ATP6V1B1: variants seen among roughly 807,000 people sequenced by gnomAD.
ATP6V1B1 encodes V-type proton ATPase subunit B, kidney isoform.
A neutral mutation model predicts 62.1 loss-of-function variants in ATP6V1B1; 41 were observed. That is an observed-to-expected ratio of 0.66 (90% confidence interval 0.51 to 0.86). The LOEUF (loss-of-function observed/expected upper bound fraction) is 0.86. Ranked by LOEUF, ATP6V1B1 falls within the 40% of genes least tolerant of loss-of-function variation. The probability of loss-of-function intolerance (pLI) is 0.00; values close to 1 mark genes in which losing one functional copy is unlikely to be tolerated. For missense variants in ATP6V1B1, 651 were observed against 697.5 expected (o/e 0.93, Z 0.75); for synonymous variants, 253 against 273.4 (o/e 0.93, Z 0.74).
At chr2:70,958,012 T>C (rs781944767) in intron 2 of ATP6V1B1, 34 bp from the exon 3 acceptor site, 24 of 1,595,970 alleles carry the variant, frequency 1.5e-5, no homozygotes, top group Non-Finnish European at 1.8e-5. Context: ...GCCTCCAGTC[T>C]CACTGTCACG....
intron 2 of ATP6V1B1, among the ~76,000 whole-genome samples, chr2:70,949,903 G>A (rs1422073803): frequency 6.6e-6 from 1 of 152,070 alleles, no homozygotes; most frequent in Admixed American, 6.5e-5. Flanking sequence ...TTCTTGTCTT[G>A]CTTAAAGACA....
intron 1 of ATP6V1B1, chr2:70,938,697 CGTGGAG>C (rs1202787467): frequency 8.1e-6 from 8 of 985,266 alleles, no homozygotes; most frequent in Non-Finnish European, 9.6e-6. Flanking sequence ...CTGTGCCTCC[CGTGGAG>C]CTAGAATGGT....
chr2:70,944,798 A>G (rs1458901458), intron 2 of ATP6V1B1, among the ~76,000 whole-genome samples: 1 of 151,310 alleles, frequency 6.6e-6, no homozygotes, highest in African/African-American at 2.4e-5. Context: ...CCTCCCGAGT[A>G]GCTGGGACTA....
intron 2 of ATP6V1B1, among the ~76,000 whole-genome samples, chr2:70,944,661 GTCTTT>G (rs1477209316): frequency 3.4e-5 from 5 of 147,780 alleles, no homozygotes; most frequent in Non-Finnish European, 7.4e-5. Flanking sequence ...CAGCTTACAG[GTCTTT>G]TCTTTTTTTT....
chr2:70,958,468 C>T (rs562711313), intron 4 of ATP6V1B1, 42 bp downstream of exon 4: 29 of 1,576,732 alleles, frequency 1.8e-5, no homozygotes, highest in Non-Finnish European at 2.4e-5. Context: ...GCTCCTCTGC[C>T]CTCCCAGCCC....
In ATP6V1B1 at chr2:70,959,205, C is replaced by CA. The variant is rs569922123; in HGVS notation, c.445+113dup. 343 of 1,180,292 alleles carry CA rather than the reference C, an allele frequency of 2.9e-4. No individual in the cohort carries two copies. The African/African-American group carries it at 4.6e-3, about 16-fold the overall frequency. The allele number at this position is 1,180,292 out of a possible 1,614,324, so 73.1% of individuals were successfully genotyped here. A position where few individuals can be genotyped will look rare whatever the true frequency, so the allele number is the denominator to read the frequency against. On this transcript the variant is annotated intron_variant, in intron 5 of 13. Transcript: ENST00000234396. This position sits in a 1 kb window ranked among gnomAD's most constrained non-coding sequence, Gnocchi z 4.2. Reference sequence around the variant, plus strand: ...CAGATCAGATGTGATGGGAGAGCAGCAAAGGCCTCTCTATCCCCAAATCTT... The same window carrying CA: ...CAGATCAGATGTGATGGGAGAGCAGCAAAAGGCCTCTCTATCCCCAAATCTT...
chr2:70,947,810 C>A (rs563329760), intron 2 of ATP6V1B1: 2 of 152,420 alleles, frequency 1.3e-5, no homozygotes, highest in African/African-American at 4.8e-5. Flanking sequence ...TGAGTCATGC[C>A]CTCTTCCTGC....
intron 2 of ATP6V1B1, among the ~76,000 whole-genome samples, chr2:70,945,742 A>ATG (rs3982997): frequency 3.2e-5 from 4 of 126,514 alleles, no homozygotes; most frequent in South Asian, 5.0e-4. Context: ...ATATATATAT[A>ATG]GTTGTTAACT....
At position 70,963,869 on chromosome 2, in the gene ATP6V1B1, A is replaced by G. The variant is rs1181401820; in HGVS notation, c.1143+215A>G. Among the ~76,000 whole-genome samples, 7 of 152,208 alleles carry G rather than the reference A, an allele frequency of 4.6e-5. No individual in the cohort carries two copies. The highest frequency in any genetic ancestry group is 1.4e-4 in the African/African-American group (6 of 41,446). ...TCTGGGATCTTGAGAAGATAATTTCATCTCTTGGATCCTAGGTTTCCTCAT... is the reference window on the plus strand; with the variant it reads ...TCTGGGATCTTGAGAAGATAATTTCGTCTCTTGGATCCTAGGTTTCCTCAT... On this transcript the variant is annotated intron_variant, in intron 11 of 13. Coordinates refer to ENST00000234396, the MANE Select transcript of ATP6V1B1 (RefSeq NM_001692.4). The surrounding 1 kb of genome is among the most constrained non-coding windows in gnomAD (Gnocchi z 4.3).
intron 2 of ATP6V1B1, among the ~76,000 whole-genome samples, chr2:70,952,280 G>A (rs1483572077): frequency 1.3e-5 from 2 of 152,052 alleles, no homozygotes; most frequent in African/African-American, 2.4e-5. Context: ...TGGCCAACAT[G>A]GTGAAACCCC....
At chr2:70,938,870 G>C (rs1679918795) in intron 1 of ATP6V1B1, 1 of 852,176 alleles carries the variant, frequency 1.2e-6, no homozygotes, top group Non-Finnish European at 1.4e-6. Flanking sequence ...AGCCAGGTCA[G>C]ATCCCTGAAG....
rs114234874 is a variant in ATP6V1B1, at chr2:70,959,974, G to A, written c.481G>A (p.Glu161Lys). The change falls in exon 6 of 14, where the codon GAG becomes AAG. Residue 161 changes from glutamate (E) to lysine (K), a missense_variant. Transcript: ENST00000234396. This position sits in a 1 kb window ranked among gnomAD's most constrained non-coding sequence, Gnocchi z 4.2. ...PINPHSRIYP[E>K]EMIQTGISPI... ...CAACCCGCACTCCCGCATCTACCCC[G>A]AGGAGATGATTCAGACGGGCATTTC... The A allele has an allele frequency of 0.025, 40,412 of 1,614,138 alleles. 794 individuals carry two copies. Among genetic ancestry groups the A allele is most frequent in the South Asian group, 0.071 (6,451 of 91,086 alleles).
At chr2:70,953,256 A>G (rs1553418560) in intron 2 of ATP6V1B1, among the ~76,000 whole-genome samples, 1 of 152,168 alleles carries the variant, frequency 6.6e-6, no homozygotes. Flanking sequence ...GTGAGCCACT[A>G]CACCCAGCCT....
chr2:70,961,657 A>T lies in ATP6V1B1; in HGVS notation c.749A>T (p.Asn250Ile), dbSNP rs782721107. ...TTTGAGCAGAATGGAACCATGGGGA[A>T]CGTCTGCCTCTTCCTGAACTTGGCC... The part of the protein sequence containing the change: ...SDFEQNGTMG[N>I]VCLFLNLAND... The change falls in exon 8 of 14, where the codon AAC becomes ATC. Residue 250 changes from asparagine (N) to isoleucine (I), a missense_variant. Physicochemically the swap from Asn to Ile is moderately radical, Grantham distance 149. Transcript: ENST00000234396. The T allele has an allele frequency of 1.2e-6, 2 of 1,614,218 alleles. No homozygotes were observed. The highest frequency in any genetic ancestry group is 1.7e-6 in the Non-Finnish European group (2 of 1,180,030).
At position 70,936,049 on chromosome 2, in the gene ATP6V1B1, A is replaced by G. The variant is rs1553415290; in HGVS notation, c.95A>G (p.Asn32Ser). ...AREHMQAVTR[N>S]YITHPRVTYR... is the part of the protein sequence containing the mutation. ...GAACACATGCAGGCGGTCACCCGAAACTACATCACCCACCCCCGTGTCAGT... is the reference window on the plus strand; with the variant it reads ...GAACACATGCAGGCGGTCACCCGAAGCTACATCACCCACCCCCGTGTCAGT... Residue 32 changes from asparagine to serine, a missense_variant, in exon 1 of 14, where the codon AAC becomes AGC. Physicochemically the swap from Asn to Ser is conservative, Grantham distance 46. Transcript: ENST00000234396. 1 of 1,613,984 alleles carries G rather than the reference A, an allele frequency of 6.2e-7. No individual in the cohort carries two copies. Among genetic ancestry groups the G allele is most frequent in the Admixed American group, 1.7e-5 (1 of 60,002 alleles).
At chr2:70,937,503 C>T (rs1386161678) in intron 1 of ATP6V1B1, among the ~76,000 whole-genome samples, 2 of 151,930 alleles carry the variant, frequency 1.3e-5, no homozygotes, top group Admixed American at 6.5e-5. Flanking sequence ...ATAGGAGGTC[C>T]GGATACTCCC....
chr2:70,963,555 A>G lies in ATP6V1B1; in HGVS notation c.1061-17A>G. On this transcript the variant is annotated splice_polypyrimidine_tract_variant and intron_variant, in intron 10 of 13. Coordinates refer to ENST00000234396, the MANE Select transcript of ATP6V1B1 (RefSeq NM_001692.4). This position sits in a 1 kb window ranked among gnomAD's most constrained non-coding sequence, Gnocchi z 4.3. ...CTGGGCCCCCACCCACACTGAGGCC[A>G]GTGAGTTTTCTTGTAGATATCACCC... 3 of 1,612,686 alleles carry G rather than the reference A, an allele frequency of 1.9e-6. No individual in the cohort carries two copies. Among genetic ancestry groups the G allele is most frequent in the Non-Finnish European group, 2.5e-6 (3 of 1,178,682 alleles).
At chr2:70,938,730 C>T in intron 1 of ATP6V1B1, 7 of 985,380 alleles carry the variant, frequency 7.1e-6, no homozygotes, top group Non-Finnish European at 8.4e-6. Flanking sequence ...AGGGCCTTGG[C>T]TCCCGGCTGG....
rs1553420140 is a variant in ATP6V1B1 at position 70,961,673 on chromosome 2, G to A, written c.765G>A (p.Leu255=). The A allele has an allele frequency of 3.7e-6, 6 of 1,614,232 alleles. No individual in the cohort carries two copies. The East Asian group carries it at 1.1e-4, about 30-fold the overall frequency. ...NGTMGNVCLF[L]NLANDPTIER... is the part of the protein sequence containing the mutation. ...CCATGGGGAACGTCTGCCTCTTCCT[G>A]AACTTGGCCAATGACCCCACGTGAG... Residue 255 remains leucine, a synonymous_variant, in exon 8 of 14, where the codon CTG becomes CTA. Transcript: ENST00000234396.
Sources: gnomAD v4.1 joint callset for allele counts (sites outside exome capture counted in the v4.1 genomes callset) on GRCh38, gnomAD v4.1.1 for gene constraint, Gnocchi (gnomAD v3.1) non-coding constraint, MANE v1.5 for transcripts, NCBI Gene and HGNC (gene_info 2026-07-23, HGNC 2026-07-21) for gene names.